Variants in HLCS observed in about 807,000 individuals in gnomAD.
HLCS encodes holocarboxylase synthetase.
In HLCS, 53 loss-of-function variants were observed where a neutral mutation model predicts 75.0. The ratio of observed to expected loss-of-function variants is 0.71; its 90% CI spans 0.57 to 0.89. The LOEUF (loss-of-function observed/expected upper bound fraction) is 0.89, where lower values mean the gene tolerates loss of function less well. Among genes scored for constraint, HLCS ranks in the 40% least tolerant of loss-of-function variants. The pLI is 0.00. For missense variants in HLCS, 966 were observed against 1,074.0 expected (o/e 0.90, Z 1.41); for synonymous variants, 431 against 428.6 (o/e 1.01, Z -0.07).
At chr21:36,773,211 A>G (rs1270574468) in intron 6 of HLCS, among the ~76,000 whole-genome samples, 1 of 152,260 alleles carries the variant, frequency 6.6e-6, no homozygotes, top group Non-Finnish European at 1.5e-5. Flanking sequence ...TTAAGCTTGC[A>G]GCTGCCAGTT....
At chr21:36,954,001 A>G (rs1264363764) in intron 2 of HLCS, among the ~76,000 whole-genome samples, 2 of 152,194 alleles carry the variant, frequency 1.3e-5, no homozygotes, top group African/African-American at 4.8e-5. Flanking sequence ...GCTGTCAGTC[A>G]TATAAAAGTA....
chr21:36,807,959 A>T (rs550818394), intron 6 of HLCS, among the ~76,000 whole-genome samples: 81 of 152,322 alleles, frequency 5.3e-4, no homozygotes, highest in African/African-American at 1.8e-3. Flanking sequence ...AAGTGTATAA[A>T]ATGAAACACT....
At chr21:36,766,784 T>C (rs1168986307) in intron 7 of HLCS, among the ~76,000 whole-genome samples, 5 of 152,040 alleles carry the variant, frequency 3.3e-5, no homozygotes, top group Admixed American at 1.3e-4. Flanking sequence ...GAGCCCACCA[T>C]GTACATGCAA....
intron 7 of HLCS, among the ~76,000 whole-genome samples, chr21:36,766,417 A>AC (rs1045545501): frequency 2.0e-5 from 3 of 151,574 alleles, no homozygotes; most frequent in African/African-American, 7.3e-5. Flanking sequence ...TCAAAAAACA[A>AC]AAAAAAAATC....
At chr21:36,875,179 A>G (rs1351284763) in intron 6 of HLCS, among the ~76,000 whole-genome samples, 4 of 151,874 alleles carry the variant, frequency 2.6e-5, no homozygotes, top group Non-Finnish European at 5.9e-5. Flanking sequence ...TGTTGATGGC[A>G]GCGGGAGGCA....
upstream of HLCS, among the ~76,000 whole-genome samples, chr21:36,966,820 C>CGGGAGGGGCGG (rs1555974561): frequency 2.7e-4 from 24 of 87,554 alleles, no homozygotes; most frequent in African/African-American, 1.2e-3. Flanking sequence ...GCGGGAGGGG[C>CGGGAGGGGCGG]GGGGGGGGGT....
chr21:36,819,072 C>T (rs2061749115), intron 6 of HLCS, among the ~76,000 whole-genome samples: 1 of 152,268 alleles, frequency 6.6e-6, no homozygotes, highest in Non-Finnish European at 1.5e-5. Flanking sequence ...TGGCAGGAAG[C>T]AGCAGCTTAG....
chr21:36,799,062 G>A (rs1770899297), intron 6 of HLCS, among the ~76,000 whole-genome samples: 1 of 151,874 alleles, frequency 6.6e-6, no homozygotes, highest in African/African-American at 2.4e-5. Flanking sequence ...TTCTTTTATA[G>A]TTCATGCTTT....
chr21:36,974,864 GC>G (rs1034689864), intron 1 of HLCS: 15 of 152,174 alleles, frequency 9.9e-5, no homozygotes, highest in African/African-American at 3.1e-4. Flanking sequence ...TGTTGTTGAA[GC>G]CCCAGTCTGC....
At chr21:36,894,921 AG>A (rs1481537883) in intron 6 of HLCS, among the ~76,000 whole-genome samples, 11 of 152,118 alleles carry the variant, frequency 7.2e-5, no homozygotes, top group African/African-American at 1.9e-4. Context: ...ATATTTATAC[AG>A]GTTCTTTTTT....
At chr21:36,940,012 G>A (rs2067071466) in intron 2 of HLCS, among the ~76,000 whole-genome samples, 1 of 152,180 alleles carries the variant, frequency 6.6e-6, no homozygotes, top group Non-Finnish European at 1.5e-5. Flanking sequence ...TCGTGCCACT[G>A]CACTCCAGCC....
chr21:36,905,360 C>T (rs970110835), intron 5 of HLCS, among the ~76,000 whole-genome samples: 3 of 152,136 alleles, frequency 2.0e-5, no homozygotes, highest in African/African-American at 7.2e-5. Flanking sequence ...GAGATGGCTA[C>T]GTAAGCATCA....
intron 6 of HLCS, among the ~76,000 whole-genome samples, chr21:36,873,159 C>T (rs1348912138): frequency 6.6e-6 from 1 of 151,892 alleles, no homozygotes; most frequent in Non-Finnish European, 1.5e-5. Flanking sequence ...CGCTCTGTCG[C>T]CAGGCTGGAG....
At chr21:36,757,374 G>A (rs1381443182) in intron 9 of HLCS, among the ~76,000 whole-genome samples, 1 of 152,142 alleles carries the variant, frequency 6.6e-6, no homozygotes, top group Admixed American at 6.5e-5. Context: ...AAGGCTTCAT[G>A]AGAGTTACCA....
chr21:36,815,338 C>T (rs1294495347), intron 6 of HLCS, among the ~76,000 whole-genome samples: 2 of 152,022 alleles, frequency 1.3e-5, no homozygotes, highest in East Asian at 3.9e-4. Context: ...CTCAATGAAG[C>T]TTTTCTAACA....
At chr21:36,788,195 C>T (rs1281133468) in intron 6 of HLCS, among the ~76,000 whole-genome samples, 2 of 152,202 alleles carry the variant, frequency 1.3e-5, no homozygotes, top group African/African-American at 2.4e-5. Flanking sequence ...CTCGGTGAAG[C>T]GTCTTCCTGA....
intron 10 of HLCS, among the ~76,000 whole-genome samples, chr21:36,755,281 G>T (rs2089520245): frequency 6.6e-6 from 1 of 151,592 alleles, no homozygotes; most frequent in African/African-American, 2.4e-5. Context: ...CACTCCTATT[G>T]TCTCAGCTAC....
chr21:36,955,800 G>T (rs2067909644), intron 2 of HLCS, among the ~76,000 whole-genome samples: 2 of 152,160 alleles, frequency 1.3e-5, no homozygotes, highest in Non-Finnish European at 2.9e-5. Context: ...TTTCAGTCCT[G>T]TAAGCTCCAT....
chr21:36,807,321 T>C (rs776493218), intron 6 of HLCS, among the ~76,000 whole-genome samples: 14 of 151,906 alleles, frequency 9.2e-5, no homozygotes, highest in East Asian at 5.8e-4. Flanking sequence ...CCTGAAATGA[T>C]AGAAGCTACG....
Sources: allele counts gnomAD v4.1 joint callset (sites outside exome capture counted in the v4.1 genomes callset), GRCh38; gene constraint gnomAD v4.1.1; transcripts MANE v1.5; gene names NCBI Gene and HGNC (gene_info 2026-07-23, HGNC 2026-07-21).